The following CDH13 variants were observed in gnomAD, a reference collection of about 807,000 sequenced individuals.
CDH13 encodes cadherin 13.
In CDH13, 24 loss-of-function variants were observed where a neutral mutation model predicts 63.8. The observed-to-expected ratio is 0.38, with a 90% CI of 0.27 to 0.53. CDH13 has a LOEUF of 0.53. CDH13 is among the 20% of genes least tolerant of loss of function. CDH13 has a pLI of 0.85. For synonymous variants in CDH13, 503 were observed against 355.3 expected (o/e 1.42, Z -4.67); for missense variants, 1,049 against 903.1 (o/e 1.16, Z -2.07).
intron 5 of CDH13, among the ~76,000 whole-genome samples, chr16:83,340,751 C>G (rs2090704063): frequency 6.6e-6 from 1 of 152,134 alleles, no homozygotes; most frequent in African/African-American, 2.4e-5. Flanking sequence ...AGACATTGGT[C>G]AGATGTGTAA....
chr16:83,585,252 C>T (rs1053798494), intron 7 of CDH13, among the ~76,000 whole-genome samples: 1 of 152,148 alleles, frequency 6.6e-6, no homozygotes, highest in Non-Finnish European at 1.5e-5. Flanking sequence ...AACTACTTCC[C>T]AGATCACTCC....
At chr16:83,401,708 A>G (rs916643502) in intron 6 of CDH13, among the ~76,000 whole-genome samples, 3 of 152,186 alleles carry the variant, frequency 2.0e-5, no homozygotes, top group Non-Finnish European at 4.4e-5. Context: ...TTACCCAAGG[A>G]TGCGTGACTG....
intron 6 of CDH13, among the ~76,000 whole-genome samples, chr16:83,461,314 A>G (rs968043055): frequency 6.6e-6 from 1 of 152,172 alleles, no homozygotes; most frequent in Non-Finnish European, 1.5e-5. Context: ...TCAGGCATGA[A>G]TCTTATCTCA....
chr16:82,938,572 G>T (rs935574755), intron 2 of CDH13, among the ~76,000 whole-genome samples: 5 of 152,206 alleles, frequency 3.3e-5, no homozygotes, highest in African/African-American at 1.2e-4. Flanking sequence ...GTTGTCCAGA[G>T]TCTAAGACAC....
chr16:83,481,678 A>G (rs965462239), intron 6 of CDH13, among the ~76,000 whole-genome samples: 4 of 152,158 alleles, frequency 2.6e-5, no homozygotes, highest in African/African-American at 9.7e-5. Context: ...GGAACCTGGG[A>G]TGTTTTCTTC....
chr16:82,650,460 A>C (rs1910596266), intron 1 of CDH13, among the ~76,000 whole-genome samples: 1 of 152,072 alleles, frequency 6.6e-6, no homozygotes, highest in Non-Finnish European at 1.5e-5. Flanking sequence ...ATGCTTGGAG[A>C]AGCCTGCACA....
intron 11 of CDH13, among the ~76,000 whole-genome samples, chr16:83,770,213 A>C (rs997463622): frequency 2.0e-5 from 3 of 152,184 alleles, no homozygotes; most frequent in Admixed American, 2.0e-4. Flanking sequence ...TTGGCCATGT[A>C]GGTAAGAAAA....
chr16:83,185,648 T>G (rs1597483007), intron 4 of CDH13, among the ~76,000 whole-genome samples: 1 of 152,358 alleles, frequency 6.6e-6, no homozygotes, highest in East Asian at 1.9e-4. Flanking sequence ...ACGTCTAATC[T>G]GTTTCTCCTA....
chr16:82,816,011 A>T (rs2151189667), intron 1 of CDH13, among the ~76,000 whole-genome samples: 1 of 152,304 alleles, frequency 6.6e-6, no homozygotes, highest in Non-Finnish European at 1.5e-5. Flanking sequence ...GACAGTAGGT[A>T]GACTGCTGGG....
chr16:83,578,111 G>A (rs1056423034), intron 7 of CDH13, among the ~76,000 whole-genome samples: 1 of 152,156 alleles, frequency 6.6e-6, no homozygotes, highest in African/African-American at 2.4e-5. Context: ...CTTCAGTGCT[G>A]CAAAGAGCTA....
intron 1 of CDH13, among the ~76,000 whole-genome samples, chr16:82,659,988 C>G (rs912332982): frequency 6.6e-6 from 1 of 152,158 alleles, no homozygotes; most frequent in South Asian, 2.1e-4. Context: ...TAGGGGAATA[C>G]TTAAGAAGTT....
At chr16:83,317,122 C>T (rs11865208) in intron 5 of CDH13, among the ~76,000 whole-genome samples, 1 of 152,170 alleles carries the variant, frequency 6.6e-6, no homozygotes, top group African/African-American at 2.4e-5. Flanking sequence ...GTGAAACATC[C>T]TACAATGCCC....
At chr16:83,002,313 G>A (rs553471082) in intron 2 of CDH13, among the ~76,000 whole-genome samples, 5 of 152,296 alleles carry the variant, frequency 3.3e-5, no homozygotes, top group East Asian at 3.9e-4. Context: ...ATATGAATAC[G>A]GAGGCAACTC....
At chr16:83,631,042 C>G in intron 8 of CDH13, among the ~76,000 whole-genome samples, 1 of 152,200 alleles carries the variant, frequency 6.6e-6, no homozygotes, top group East Asian at 1.9e-4. Flanking sequence ...AGATACATCT[C>G]TGCCGCAGAA....
intron 6 of CDH13, among the ~76,000 whole-genome samples, chr16:83,444,454 T>G (rs1333964331): frequency 6.6e-6 from 1 of 152,218 alleles, no homozygotes; most frequent in African/African-American, 2.4e-5. Context: ...TTGCTATACA[T>G]TAGAATCACC....
At chr16:83,031,253 A>G (rs950214952) in intron 2 of CDH13, among the ~76,000 whole-genome samples, 3 of 146,286 alleles carry the variant, frequency 2.1e-5, no homozygotes, top group Admixed American at 6.7e-5. Flanking sequence ...ATGCGCATGT[A>G]TACACCATAT....
chr16:83,394,867 G>C (rs1031395168), intron 6 of CDH13, among the ~76,000 whole-genome samples: 1 of 152,106 alleles, frequency 6.6e-6, no homozygotes, highest in Non-Finnish European at 1.5e-5. Context: ...TCAAGGAAGG[G>C]CCAGGCACAG....
chr16:82,681,887 A>G (rs1369927624), intron 1 of CDH13, among the ~76,000 whole-genome samples: 1 of 152,216 alleles, frequency 6.6e-6, no homozygotes, highest in African/African-American at 2.4e-5. Context: ...GCTGGCTCCC[A>G]GAGGCCCCAG....
chr16:82,676,896 G>GT (rs1555532444), intron 1 of CDH13, among the ~76,000 whole-genome samples: 16 of 147,290 alleles, frequency 1.1e-4, no homozygotes, highest in African/African-American at 3.8e-4. Flanking sequence ...GTTTTGTTTT[G>GT]TTTTTTTCAA....
Sources: allele counts gnomAD v4.1 joint callset (sites outside exome capture counted in the v4.1 genomes callset), GRCh38; gene constraint gnomAD v4.1.1; transcripts MANE v1.5; gene names NCBI Gene and HGNC (gene_info 2026-07-23, HGNC 2026-07-21).